The following LDB2 variants were observed in gnomAD, a reference collection of about 807,000 sequenced individuals.
LDB2 encodes the protein LIM domain-binding protein 2.
LDB2 carries 12 observed loss-of-function variants against 44.3 expected under a neutral mutation model. That is an observed-to-expected ratio of 0.27 (90% CI 0.17 to 0.44). The LOEUF (loss-of-function observed/expected upper bound fraction) is 0.44. Among genes scored for constraint, LDB2 ranks in the 20% least tolerant of loss-of-function variants. The pLI is 1.00. For synonymous variants in LDB2, 164 were observed against 174.8 expected, an observed-to-expected ratio of 0.94 and a Z score of 0.49; for missense variants, 344 against 473.5, an observed-to-expected ratio of 0.73 and a Z score of 2.54.
chr4:16,874,083 G>T (rs1394299998), intron 1 of LDB2, among the ~76,000 whole-genome samples: 2 of 151,908 alleles, frequency 1.3e-5, no homozygotes, highest in African/African-American at 4.8e-5. Context: ...TCTGCTTTTT[G>T]ACTGTTACGA....
chr4:16,666,198 T>C (rs1317093127), intron 2 of LDB2, among the ~76,000 whole-genome samples: 1 of 152,196 alleles, frequency 6.6e-6, no homozygotes, highest in Non-Finnish European at 1.5e-5. Context: ...TAGGGCTGTG[T>C]TTTATCAAAA....
chr4:16,522,843 CA>C (rs1310360073), intron 5 of LDB2, among the ~76,000 whole-genome samples: 4 of 152,140 alleles, frequency 2.6e-5, no homozygotes, highest in Admixed American at 6.5e-5. Context: ...TAGAGGTTTA[CA>C]AAAGAAAGAG....
At chr4:16,675,813 C>T (rs1746143535) in intron 2 of LDB2, among the ~76,000 whole-genome samples, 1 of 152,100 alleles carries the variant, frequency 6.6e-6, no homozygotes. Flanking sequence ...CAATTCAATT[C>T]AATGTGTTGA....
At chr4:16,713,972 G>A (rs898031843) in intron 2 of LDB2, among the ~76,000 whole-genome samples, 2 of 152,128 alleles carry the variant, frequency 1.3e-5, no homozygotes, top group African/African-American at 4.8e-5. Context: ...TTAGGTCAAG[G>A]ACACTAGCCA....
At chr4:16,636,790 G>A (rs954639641) in intron 2 of LDB2, among the ~76,000 whole-genome samples, 5 of 152,070 alleles carry the variant, frequency 3.3e-5, no homozygotes, top group Non-Finnish European at 7.4e-5. Context: ...AAAACAAAAA[G>A]AACAAAAAGC....
At chr4:16,526,819 A>G (rs1046267273) in intron 5 of LDB2, among the ~76,000 whole-genome samples, 21 of 152,204 alleles carry the variant, frequency 1.4e-4, no homozygotes, top group African/African-American at 4.3e-4. Context: ...CTTCAGTGCA[A>G]TGAGATCTGT....
intron 5 of LDB2, among the ~76,000 whole-genome samples, chr4:16,529,704 G>C (rs1248260303): frequency 6.6e-6 from 1 of 152,102 alleles, no homozygotes; most frequent in Non-Finnish European, 1.5e-5. Flanking sequence ...CATGCTTTGA[G>C]AGCATCCTTG....
intron 1 of LDB2, among the ~76,000 whole-genome samples, chr4:16,771,180 ACCAAGG>A (rs1336224702): frequency 1.3e-5 from 2 of 152,170 alleles, no homozygotes; most frequent in Non-Finnish European, 2.9e-5. Context: ...CTGTGCCAGG[ACCAAGG>A]CCACAGGAAA....
chr4:16,531,923 G>C lies in LDB2; in HGVS notation c.616-19819C>G, dbSNP rs1042797308. Among the ~76,000 whole-genome samples the C allele has an allele frequency of 8.5e-5, 13 of 152,306 alleles. No individual in the cohort carries two copies. In the East Asian group the frequency reaches 2.5e-3, roughly 29 times the overall value. On this transcript the variant is annotated intron_variant, in intron 5 of 7. Transcript: ENST00000304523. ...CCATGGATGCTTTGCAGTTCAAACA[G>C]ATGGAGGAAGGTAGCAGAGGACCTG...
chr4:16,885,033 G>A (rs1026455478), intron 1 of LDB2, among the ~76,000 whole-genome samples: 13 of 151,754 alleles, frequency 8.6e-5, no homozygotes, highest in African/African-American at 2.7e-4. Context: ...AGAAGCATAC[G>A]TGTATGAGGC....
In LDB2 at chr4:16,588,744, C is replaced by T. The variant is rs142034467; in HGVS notation, c.497G>A (p.Arg166Gln). The change falls in exon 4 of 8, where the codon CGA becomes CAA. Residue 166 changes from arginine to glutamine, a missense_variant. By Grantham distance (43) the Arg-to-Gln change is conservative. Transcript: ENST00000304523. The stretch of plus-strand genomic sequence containing the variant: ...TAGGATGCTTCTCGGGACTAACTCT[C>T]GGTATTGTCTAATGGTAAAGTGCCA... ...KTWHFTIRQY[R>Q]ELVPRSILAM... is the part of the protein sequence containing the mutation. The T allele has an allele frequency of 7.4e-6, 12 of 1,613,564 alleles. No homozygotes were observed. The highest frequency in any genetic ancestry group is 2.2e-5 in the East Asian group (1 of 44,868).
intron 2 of LDB2, among the ~76,000 whole-genome samples, chr4:16,635,278 C>A (rs1207891471): frequency 6.6e-6 from 1 of 151,832 alleles, no homozygotes; most frequent in Non-Finnish European, 1.5e-5. Flanking sequence ...TAACCCAGAA[C>A]TTAAAGTATA....
At chr4:16,503,432 G>A (rs941968720) in intron 7 of LDB2, among the ~76,000 whole-genome samples, 1 of 152,156 alleles carries the variant, frequency 6.6e-6, no homozygotes, top group Non-Finnish European at 1.5e-5. Flanking sequence ...TACTCAGCCA[G>A]GCCCTTTTAT....
intron 2 of LDB2, among the ~76,000 whole-genome samples, chr4:16,615,027 G>A (rs532741293): frequency 4.8e-4 from 61 of 125,814 alleles, no homozygotes; most frequent in Admixed American, 1.9e-3. Context: ...CCGAGATCCC[G>A]CCACTGCACT....
intron 5 of LDB2, among the ~76,000 whole-genome samples, chr4:16,517,378 A>G (rs939451568): frequency 1.3e-5 from 2 of 152,200 alleles, no homozygotes; most frequent in African/African-American, 2.4e-5. Flanking sequence ...AATGCACATT[A>G]TAGAACTGAG....
In LDB2 at chr4:16,759,938, G is replaced by A. The variant is rs143151368; in HGVS notation, c.133-678C>T. ...CATATGAATTCTGTTTGTTTGTTTT[G>A]GGTTGAATGTTTCTCCTGCTCATGC... is the stretch of plus-strand genomic sequence containing the variant. On this transcript the variant is annotated intron_variant, in intron 1 of 7. Transcript: ENST00000304523. Among the ~76,000 whole-genome samples, 45 of 152,250 alleles carry A rather than the reference G, an allele frequency of 3.0e-4. No individual in the cohort carries two copies. The East Asian group carries it at 8.5e-3, about 29-fold the overall frequency.
At chr4:16,891,547 A>G (rs2035442) in intron 1 of LDB2, among the ~76,000 whole-genome samples, 31,182 of 151,974 alleles carry the variant, frequency 0.21, 3,796 homozygotes, top group Non-Finnish European at 0.27. Flanking sequence ...TTCTGACCTC[A>G]TGATCTGCCC....
intron 5 of LDB2, among the ~76,000 whole-genome samples, chr4:16,531,062 G>A (rs1729967062): frequency 6.6e-6 from 1 of 152,178 alleles, no homozygotes; most frequent in African/African-American, 2.4e-5. Flanking sequence ...AGAAAGTAGT[G>A]GAACCAGGTT....
chr4:16,532,279 G>A (rs761040436), intron 5 of LDB2, among the ~76,000 whole-genome samples: 1 of 152,038 alleles, frequency 6.6e-6, no homozygotes, highest in Non-Finnish European at 1.5e-5. Flanking sequence ...CCTTACCATG[G>A]CTAAAGCACA....
Sources: gnomAD v4.1 joint callset for allele counts (sites outside exome capture counted in the v4.1 genomes callset) on GRCh38, gnomAD v4.1.1 for gene constraint, MANE v1.5 for transcripts, NCBI Gene and HGNC (gene_info 2026-07-23, HGNC 2026-07-21) for gene names.